TBCA: variants seen among roughly 807,000 people sequenced by gnomAD.
The protein encoded by TBCA is tubulin-specific chaperone A.
Under a neutral mutation model 15.8 loss-of-function variants are expected in TBCA, and 6 were observed. That is an observed-to-expected ratio of 0.38 (90% CI 0.21 to 0.75). TBCA has a LOEUF of 0.75. Ranked by LOEUF, TBCA falls within the 30% of genes least tolerant of loss-of-function variation. The pLI, the probability that TBCA is intolerant of heterozygous loss-of-function variation, is 0.46. For synonymous variants in TBCA, 32 were observed against 42.3 expected (o/e 0.76, Z 0.94); for missense variants, 90 against 131.2 (o/e 0.69, Z 1.53).
intron 1 of TBCA, among the ~76,000 whole-genome samples, chr5:77,759,924 T>C (rs563619843): frequency 7.2e-5 from 11 of 152,338 alleles, no homozygotes; most frequent in African/African-American, 2.6e-4. Context: ...TCCTTGCCAT[T>C]GAAGTGGTGA....
At chr5:77,727,585 C>T (rs1226061023) in intron 1 of TBCA, among the ~76,000 whole-genome samples, 1 of 152,118 alleles carries the variant, frequency 6.6e-6, no homozygotes, top group Admixed American at 6.6e-5. Context: ...CAAAATCATT[C>T]CTTTTACATT....
intron 1 of TBCA, among the ~76,000 whole-genome samples, chr5:77,743,578 CA>C (rs1747099095): frequency 1.3e-5 from 2 of 152,224 alleles, no homozygotes; most frequent in Admixed American, 6.5e-5. Flanking sequence ...AGTCTGCCGT[CA>C]GGGGAATCCC....
chr5:77,692,116 G>T, intron 3 of TBCA: 1 of 982,804 alleles, frequency 1.0e-6, no homozygotes, highest in Non-Finnish European at 1.2e-6. Flanking sequence ...AATGATAACA[G>T]ACAAATGAAA....
intron 1 of TBCA, among the ~76,000 whole-genome samples, chr5:77,747,321 C>T (rs1236901882): frequency 6.6e-6 from 1 of 151,976 alleles, no homozygotes; most frequent in African/African-American, 2.4e-5. Context: ...AAAATACTAG[C>T]ATTTATTCAT....
At chr5:77,760,011 T>A (rs181881010) in intron 1 of TBCA, among the ~76,000 whole-genome samples, 63 of 152,314 alleles carry the variant, frequency 4.1e-4, no homozygotes, top group African/African-American at 1.5e-3. Context: ...ATGACTGGGA[T>A]TCCAAGGCAA....
At chr5:77,768,778 G>C (rs1191176411) in intron 1 of TBCA, among the ~76,000 whole-genome samples, 1 of 152,126 alleles carries the variant, frequency 6.6e-6, no homozygotes, top group South Asian at 2.1e-4. Flanking sequence ...CATCACAATA[G>C]AACATTATTA....
At chr5:77,703,864 G>C (rs1015443114) in intron 2 of TBCA, among the ~76,000 whole-genome samples, 1 of 152,158 alleles carries the variant, frequency 6.6e-6, no homozygotes, top group Non-Finnish European at 1.5e-5. Context: ...ACATGTTAGG[G>C]AGGGACCTGG....
At chr5:77,773,619 G>A (rs1267328553) in intron 1 of TBCA, among the ~76,000 whole-genome samples, 2 of 152,192 alleles carry the variant, frequency 1.3e-5, no homozygotes, top group Non-Finnish European at 2.9e-5. Flanking sequence ...AAATGGCTGT[G>A]CATTTAACTC....
At chr5:77,732,193 A>G (rs772086391) in intron 1 of TBCA, among the ~76,000 whole-genome samples, 2 of 152,226 alleles carry the variant, frequency 1.3e-5, no homozygotes, top group Non-Finnish European at 2.9e-5. Flanking sequence ...GCTTCTCCAC[A>G]GAGTGACTAC....
chr5:77,721,550 TA>T (rs1746529144), intron 1 of TBCA, among the ~76,000 whole-genome samples: 1 of 152,170 alleles, frequency 6.6e-6, no homozygotes, highest in African/African-American at 2.4e-5. Context: ...ATGGTATACG[TA>T]TACACTGATT....
intron 1 of TBCA, among the ~76,000 whole-genome samples, chr5:77,721,548 C>T (rs1381500520): frequency 6.6e-6 from 1 of 151,972 alleles, no homozygotes; most frequent in African/African-American, 2.4e-5. Context: ...TGATGGTATA[C>T]GTATACACTG....
intron 1 of TBCA, 144 bp downstream of exon 1, chr5:77,776,061 A>G: frequency 1.0e-6 from 1 of 974,696 alleles, no homozygotes; most frequent in Non-Finnish European, 1.5e-6. Flanking sequence ...GGTCCCTGCC[A>G]GTCCCAGCCA....
intron 2 of TBCA, among the ~76,000 whole-genome samples, chr5:77,700,743 G>A (rs1305010058): frequency 6.6e-6 from 1 of 152,140 alleles, no homozygotes; most frequent in Non-Finnish European, 1.5e-5. Context: ...TTATGTTCAA[G>A]AGTAGAGAAC....
intron 1 of TBCA, among the ~76,000 whole-genome samples, chr5:77,753,495 C>G (rs898793928): frequency 1.3e-5 from 2 of 152,140 alleles, no homozygotes; most frequent in African/African-American, 4.8e-5. Context: ...ACAACAAAAG[C>G]TGAAGCAGAA....
chr5:77,704,605 T>C (rs1270957709), intron 2 of TBCA, among the ~76,000 whole-genome samples: 1 of 152,164 alleles, frequency 6.6e-6, no homozygotes, highest in Non-Finnish European at 1.5e-5. Flanking sequence ...AAGAAAACCA[T>C]TGCTGAACTT....
chr5:77,721,510 C>T (rs1746527648), intron 1 of TBCA, among the ~76,000 whole-genome samples: 1 of 150,956 alleles, frequency 6.6e-6, no homozygotes, highest in Non-Finnish European at 1.5e-5. Flanking sequence ...TTAAGAGTTA[C>T]AAATAATTTT....
intron 1 of TBCA, among the ~76,000 whole-genome samples, chr5:77,737,588 GT>G (rs1347680460): frequency 6.6e-6 from 1 of 151,926 alleles, no homozygotes; most frequent in Non-Finnish European, 1.5e-5. Context: ...CAGGTTCATC[GT>G]TTTATAAAAT....
chr5:77,741,698 A>AT (rs1336666069), intron 1 of TBCA, among the ~76,000 whole-genome samples: 1 of 152,132 alleles, frequency 6.6e-6, no homozygotes, highest in Non-Finnish European at 1.5e-5. Context: ...CTGAAGGGAG[A>AT]TTTTATATTC....
intron 3 of TBCA, 198 bp from the exon 4 acceptor site, chr5:77,691,696 T>C: frequency 7.6e-7 from 1 of 1,322,360 alleles, no homozygotes; most frequent in Non-Finnish European, 9.6e-7. Context: ...AAGAAATAAC[T>C]GGTGGTTTTG....
Sources: allele counts gnomAD v4.1 joint callset (sites outside exome capture counted in the v4.1 genomes callset), GRCh38; gene constraint gnomAD v4.1.1; transcripts MANE v1.5; gene names NCBI Gene and HGNC (gene_info 2026-07-23, HGNC 2026-07-21).